The following EXT2 variants were observed in gnomAD, a reference collection of about 807,000 sequenced individuals.
EXT2 encodes exostosin-2.
EXT2 carries 53 observed loss-of-function variants against 81.6 expected under a neutral mutation model. The ratio of observed to expected loss-of-function variants is 0.65; its 90% CI spans 0.52 to 0.82. EXT2 has a LOEUF of 0.82. Ranked by LOEUF, EXT2 falls within the 40% of genes least tolerant of loss-of-function variation. The pLI is 0.00. For missense variants in EXT2, 774 were observed against 910.2 expected (o/e 0.85, Z 1.93); for synonymous variants, 320 against 340.0 (o/e 0.94, Z 0.65).
At chr11:44,098,568 G>A (rs551088983) in intron 1 of EXT2, among the ~76,000 whole-genome samples, 4 of 151,956 alleles carry the variant, frequency 2.6e-5, no homozygotes, top group South Asian at 2.1e-4. Context: ...GGTGGTGGGC[G>A]CCTGTAATCC....
Position 44,249,255 on chromosome 11 carries a change from C to G in EXT2, c.*4968C>G, listed in dbSNP as rs1956121196. ...TCAAGTGATCCTCCTGCCTCAGCGT[C>G]CCAAAGTGTTGGGATTACAGGTGTG... On this transcript the variant is annotated 3_prime_UTR_variant, in exon 14 of 14. Transcript: ENST00000533608. Among the ~76,000 whole-genome samples the G allele has an allele frequency of 6.6e-6, 1 of 152,208 alleles. No individual in the cohort carries two copies. Among genetic ancestry groups the G allele is most frequent in the African/African-American group, 2.4e-5 (1 of 41,454 alleles).
chr11:44,142,264 T>C (rs901366007), intron 7 of EXT2, among the ~76,000 whole-genome samples: 2 of 152,250 alleles, frequency 1.3e-5, no homozygotes, highest in Non-Finnish European at 2.9e-5. Flanking sequence ...GCATAATTTA[T>C]AGTTTTATAA....
At chr11:44,127,585 A>G (rs993494238) in intron 6 of EXT2, among the ~76,000 whole-genome samples, 2 of 152,222 alleles carry the variant, frequency 1.3e-5, no homozygotes, top group Non-Finnish European at 2.9e-5. Flanking sequence ...ATTGTCTTCC[A>G]CAAAACCAGT....
intron 6 of EXT2, among the ~76,000 whole-genome samples, chr11:44,128,097 T>C (rs759625408): frequency 3.9e-5 from 6 of 152,378 alleles, no homozygotes; most frequent in Non-Finnish European, 5.9e-5. Context: ...CCAAATCTGA[T>C]CACCACAGGT....
At chr11:44,145,515 T>G (rs180730133) in intron 7 of EXT2, among the ~76,000 whole-genome samples, 4 of 152,300 alleles carry the variant, frequency 2.6e-5, no homozygotes, top group Non-Finnish European at 4.4e-5. Context: ...AGTAGGATCA[T>G]GAGCTCACAT....
Position 44,246,652 on chromosome 11 carries a change from C to G in EXT2, c.*2365C>G, listed in dbSNP as rs1956096137. 6.6e-6 allele frequency among the ~76,000 whole-genome samples: 1 copy of G among 152,192 alleles called. No individual in the cohort carries two copies. The highest frequency in any genetic ancestry group is 2.1e-4 in the South Asian group (1 of 4,826). On this transcript the variant is annotated 3_prime_UTR_variant, in exon 14 of 14. Transcript: ENST00000533608. ...AAACAACCTCAAAGGTGATGTTACC[C>G]TATGAACAGATAGGTGGTACAGTCA...
rs367897723 is a variant in EXT2, at chr11:44,244,183, G to C, written c.2053G>C (p.Gly685Arg). The C allele has an allele frequency of 1.2e-6, 2 of 1,614,016 alleles. No homozygotes were observed. The highest frequency in any genetic ancestry group is 1.7e-5 in the Admixed American group (1 of 60,016). Residue 685 changes from glycine to arginine, a missense_variant, in exon 14 of 14, where the codon GGG becomes CGG. By Grantham distance (125) the Gly-to-Arg change is moderately radical. Coordinates refer to ENST00000533608, the MANE Select transcript of EXT2 (RefSeq NM_207122.2). ...CATCAACAAGTTTGCTTCAGTCTTC[G>C]GGACCATGCCTCTCAAGGTGGTGGA... ...ECINKFASVF[G>R]TMPLKVVEHR...
At position 44,244,156 on chromosome 11, in the gene EXT2, T is replaced by G; in HGVS notation, c.2026T>G (p.Cys676Gly). ...CCTCTCCAAATCCCACAGGTCAGAG[T>G]GCATCAACAAGTTTGCTTCAGTCTT... ...DQTHMVERSE[C>G]INKFASVFGT... The change falls in exon 14 of 14, where the codon TGC (cysteine) becomes GGC (glycine). Residue 676 changes from cysteine to glycine, a missense_variant. Cys to Gly is a radical substitution (Grantham distance 159, BLOSUM62 -3). Transcript: ENST00000533608. 2 of 1,613,934 alleles carry G rather than the reference T, an allele frequency of 1.2e-6. No individual in the cohort carries two copies. The highest frequency in any genetic ancestry group is 1.7e-6 in the Non-Finnish European group (2 of 1,179,964).
intron 10 of EXT2, among the ~76,000 whole-genome samples, chr11:44,223,010 AG>A (rs1955798767): frequency 2.0e-5 from 3 of 152,370 alleles, no homozygotes; most frequent in Non-Finnish European, 4.4e-5. Flanking sequence ...GAGGATATAC[AG>A]GTGGCAAATA....
intron 8 of EXT2, among the ~76,000 whole-genome samples, chr11:44,190,258 C>A (rs1054100462): frequency 6.6e-6 from 1 of 152,200 alleles, no homozygotes; most frequent in African/African-American, 2.4e-5. Flanking sequence ...GGAAACACAT[C>A]ATGCATAATT....
intron 7 of EXT2, among the ~76,000 whole-genome samples, chr11:44,150,860 T>C (rs1954782758): frequency 6.6e-6 from 1 of 152,180 alleles, no homozygotes; most frequent in African/African-American, 2.4e-5. Context: ...TGCCCATAGG[T>C]GAGGACTAGT....
intron 6 of EXT2, among the ~76,000 whole-genome samples, chr11:44,127,790 A>AGAG (rs10665563): frequency 0.25 from 37,409 of 151,930 alleles, 4,708 homozygotes; most frequent in Non-Finnish European, 0.27. Flanking sequence ...GTTGAGAACC[A>AGAG]CTGGTCTAGA....
intron 10 of EXT2, among the ~76,000 whole-genome samples, chr11:44,219,524 A>G (rs1273763426): frequency 2.6e-5 from 4 of 152,176 alleles, no homozygotes; most frequent in African/African-American, 9.7e-5. Flanking sequence ...ATAAAAATGC[A>G]AAACAAGTCT....
intron 8 of EXT2, among the ~76,000 whole-genome samples, chr11:44,193,939 T>C (rs966423140): frequency 2.6e-5 from 4 of 152,114 alleles, no homozygotes; most frequent in Non-Finnish European, 4.4e-5. Context: ...CCGATTCACT[T>C]CCCAAGTGGA....
At chr11:44,179,461 A>G (rs992342105) in intron 8 of EXT2, among the ~76,000 whole-genome samples, 10 of 152,220 alleles carry the variant, frequency 6.6e-5, no homozygotes, top group Non-Finnish European at 1.5e-4. Context: ...GAGGGCAGTG[A>G]GTAGAATAGT....
chr11:44,215,367 TA>T (rs1955705401), intron 10 of EXT2, among the ~76,000 whole-genome samples: 1 of 152,250 alleles, frequency 6.6e-6, no homozygotes, highest in African/African-American at 2.4e-5. Flanking sequence ...GACACATATT[TA>T]TATAAAAGTA....
chr11:44,120,584 G>C (rs1281685792), intron 4 of EXT2, among the ~76,000 whole-genome samples: 1 of 152,264 alleles, frequency 6.6e-6, no homozygotes, highest in Non-Finnish European at 1.5e-5. Flanking sequence ...GTGGGAGAAG[G>C]CAGGGTGGGC....
intron 10 of EXT2, among the ~76,000 whole-genome samples, chr11:44,229,125 A>G (rs1298461222): frequency 6.6e-6 from 1 of 152,136 alleles, no homozygotes; most frequent in Non-Finnish European, 1.5e-5. Flanking sequence ...ATCAGTGATC[A>G]TGGCATTGGT....
chr11:44,139,504 T>C (rs944602352), intron 7 of EXT2, among the ~76,000 whole-genome samples: 1 of 152,174 alleles, frequency 6.6e-6, no homozygotes, highest in African/African-American at 2.4e-5. Flanking sequence ...GTTCACATCC[T>C]GCAGAAAGGA....
Sources: allele counts gnomAD v4.1 joint callset (sites outside exome capture counted in the v4.1 genomes callset), GRCh38; gene constraint gnomAD v4.1.1; transcripts MANE v1.5; gene names NCBI Gene and HGNC (gene_info 2026-07-23, HGNC 2026-07-21).